NFIA: variants seen among roughly 807,000 people sequenced by gnomAD.
NFIA encodes nuclear factor I A, also known as nuclear factor 1 A-type.
A neutral mutation model predicts 62.8 loss-of-function variants in NFIA; 8 were observed. The ratio of observed to expected loss-of-function variants is 0.13; its 90% confidence interval spans 0.07 to 0.23. The LOEUF (loss-of-function observed/expected upper bound fraction) is 0.23. Ranked by LOEUF, NFIA falls within the 10% of genes least tolerant of loss-of-function variation. NFIA has a pLI of 1.00. For synonymous variants in NFIA, 235 were observed against 238.1 expected, an observed-to-expected ratio of 0.99 and a Z score of 0.12; for missense variants, 410 against 642.1, an observed-to-expected ratio of 0.64 and a Z score of 3.91.
At chr1:61,415,478 TAGTA>T (rs1666307194) in intron 9 of NFIA, among the ~76,000 whole-genome samples, 1 of 152,120 alleles carries the variant, frequency 6.6e-6, no homozygotes, top group Admixed American at 6.5e-5. Context: ...TTTTAAAAGT[TAGTA>T]AGAGAAAGAC....
At chr1:61,233,249 A>G (rs548627420) in intron 2 of NFIA, among the ~76,000 whole-genome samples, 33 of 152,344 alleles carry the variant, frequency 2.2e-4, no homozygotes, top group Admixed American at 7.8e-4. Flanking sequence ...GTGCACAAAA[A>G]TCACTTGGAA....
chr1:61,112,385 C>A lies in NFIA; in HGVS notation c.559+23705C>A, dbSNP rs143616915. Among the ~76,000 whole-genome samples, 6 of 152,108 alleles carry A rather than the reference C, an allele frequency of 3.9e-5. No homozygotes were observed. The East Asian group carries it at 1.2e-3, about 29-fold the overall frequency. ...ATGTAGTAGTACAGAGTAACCATGA[C>A]TTACTAGGTGTTATGATGAAGGTGT... On this transcript the variant is annotated intron_variant, in intron 2 of 10. Transcript: ENST00000403491.
At chr1:61,434,104 A>G (rs1184163603) in intron 10 of NFIA, among the ~76,000 whole-genome samples, 2 of 152,138 alleles carry the variant, frequency 1.3e-5, no homozygotes, top group East Asian at 1.9e-4. Context: ...TAAGTGTACC[A>G]TTGCTTCTCT....
At chr1:61,264,276 G>A (rs1207055311) in intron 2 of NFIA, among the ~76,000 whole-genome samples, 1 of 152,150 alleles carries the variant, frequency 6.6e-6, no homozygotes, top group Non-Finnish European at 1.5e-5. Context: ...TAGCACGTAT[G>A]TTAGAGACAG....
intron 7 of NFIA, among the ~76,000 whole-genome samples, chr1:61,395,226 C>G (rs1665202721): frequency 6.6e-6 from 1 of 151,530 alleles, no homozygotes; most frequent in Admixed American, 6.6e-5. Context: ...CAAAATAACC[C>G]ATGGCTTTAT....
At chr1:61,343,801 T>G (rs1470433712) in intron 4 of NFIA, among the ~76,000 whole-genome samples, 1 of 152,164 alleles carries the variant, frequency 6.6e-6, no homozygotes, top group African/African-American at 2.4e-5. Context: ...CCTTTATGAT[T>G]GATTTCCATT....
At chr1:61,103,971 TA>T (rs1646554071) in intron 2 of NFIA, among the ~76,000 whole-genome samples, 1 of 152,134 alleles carries the variant, frequency 6.6e-6, no homozygotes, top group Non-Finnish European at 1.5e-5. Flanking sequence ...TCTTGACTTT[TA>T]TTTGAGCTTT....
At chr1:61,398,576 T>A (rs1417006191) in intron 7 of NFIA, among the ~76,000 whole-genome samples, 5 of 152,216 alleles carry the variant, frequency 3.3e-5, no homozygotes, top group African/African-American at 1.2e-4. Flanking sequence ...TATATTTCTC[T>A]CAATTGACAT....
chr1:61,178,992 C>T (rs1247596263), intron 2 of NFIA, among the ~76,000 whole-genome samples: 1 of 152,222 alleles, frequency 6.6e-6, no homozygotes, highest in Non-Finnish European at 1.5e-5. Flanking sequence ...GAAGCAACTC[C>T]TTGTCTTTCA....
At chr1:61,419,092 T>C (rs1476144622) in intron 9 of NFIA, among the ~76,000 whole-genome samples, 2 of 152,168 alleles carry the variant, frequency 1.3e-5, no homozygotes, top group Non-Finnish European at 2.9e-5. Flanking sequence ...TGAAACAAAG[T>C]TGTATTCTTA....
At chr1:61,217,518 C>A (rs1184819273) in intron 2 of NFIA, among the ~76,000 whole-genome samples, 1 of 152,066 alleles carries the variant, frequency 6.6e-6, no homozygotes, top group Non-Finnish European at 1.5e-5. Flanking sequence ...GCTGTGCTTC[C>A]AGAGCTGCTC....
chr1:61,330,100 C>T (rs778459704), intron 3 of NFIA, among the ~76,000 whole-genome samples: 57 of 152,052 alleles, frequency 3.7e-4, no homozygotes, highest in Non-Finnish European at 5.7e-4. Context: ...AGAGTAAGAA[C>T]GGGTTTTGGG....
At chr1:61,317,423 A>C (rs1231724584) in intron 3 of NFIA, among the ~76,000 whole-genome samples, 1 of 152,072 alleles carries the variant, frequency 6.6e-6, no homozygotes, top group African/African-American at 2.4e-5. Context: ...TATATTTGAA[A>C]ATATTTGAGG....
intron 5 of NFIA, among the ~76,000 whole-genome samples, chr1:61,357,690 T>C (rs569791746): frequency 6.6e-6 from 1 of 152,294 alleles, no homozygotes; most frequent in African/African-American, 2.4e-5. Context: ...TGTTTGCCTC[T>C]CTGTCTCCAT....
intron 2 of NFIA, among the ~76,000 whole-genome samples, chr1:61,128,883 A>G (rs1398535106): frequency 7.7e-6 from 1 of 129,166 alleles, no homozygotes; most frequent in Non-Finnish European, 1.6e-5. Context: ...GAAGAGTAGT[A>G]CTCTTTCCAG....
At chr1:61,103,683 T>G (rs918249477) in intron 2 of NFIA, among the ~76,000 whole-genome samples, 1 of 152,156 alleles carries the variant, frequency 6.6e-6, no homozygotes, top group Non-Finnish European at 1.5e-5. Context: ...GAGAAGCTTA[T>G]AATATGGATC....
chr1:61,251,942 G>A (rs1429239207), intron 2 of NFIA, among the ~76,000 whole-genome samples: 1 of 152,054 alleles, frequency 6.6e-6, no homozygotes. Context: ...GGTAGATAGA[G>A]GTATCAATTC....
chr1:61,352,686 TG>T, intron 5 of NFIA, 119 bp downstream of exon 5: 1 of 850,688 alleles, frequency 1.2e-6, no homozygotes, highest in Admixed American at 2.1e-5. Context: ...AACAAAGTAG[TG>T]GGTTCAGCCC....
intron 2 of NFIA, chr1:61,250,242 G>T (rs1270821891): frequency 6.6e-6 from 1 of 152,284 alleles, no homozygotes; most frequent in East Asian, 1.9e-4. Context: ...TGCTAGAAAT[G>T]TGCTTTCATT....
Sources: gnomAD v4.1 joint callset for allele counts (sites outside exome capture counted in the v4.1 genomes callset) on GRCh38, gnomAD v4.1.1 for gene constraint, MANE v1.5 for transcripts, NCBI Gene and HGNC (gene_info 2026-07-23, HGNC 2026-07-21) for gene names.